KLK8: variants seen among roughly 807,000 people sequenced by gnomAD.
KLK8 encodes the protein kallikrein related peptidase 8.
KLK8 carries 18 observed loss-of-function variants against 26.7 expected under a neutral mutation model. That is an observed-to-expected ratio of 0.67 (90% CI 0.47 to 1.00). KLK8 has a LOEUF of 1.00. Among genes scored for constraint, KLK8 ranks in the 50% least tolerant of loss-of-function variants. The pLI is 0.00. For missense variants in KLK8, 301 were observed against 331.7 expected (o/e 0.91, Z 0.72); for synonymous variants, 137 against 127.1 (o/e 1.08, Z -0.52).
At chr19:50,996,411 T>C (rs1482714062) in intron 6 of KLK8, among the ~76,000 whole-genome samples, 197 bp from the exon 6 acceptor site, 1 of 152,104 alleles carries the variant, frequency 6.6e-6, no homozygotes, top group Non-Finnish European at 1.5e-5. Context: ...CTAAGGGTAG[T>C]GGTCAAAACA....
At chr19:51,001,074 G>A (rs770486656) in intron 3 of KLK8, 24 bp downstream of exon 2, 1 of 1,601,210 alleles carries the variant, frequency 6.2e-7, no homozygotes, top group East Asian at 2.2e-5. Flanking sequence ...CCTCCCCTCC[G>A]GAGGCCTCCG....
chr19:51,001,044 G>A, intron 3 of KLK8, 54 bp downstream of exon 2: 1 of 1,503,516 alleles, frequency 6.7e-7, no homozygotes, highest in African/African-American at 1.4e-5. Flanking sequence ...ACTCCCCAGC[G>A]CCACTGCTGC....
chr19:50,997,726 GAGA>G (rs1195003678), intron 6 of KLK8, 22 bp downstream of exon 5: 18 of 1,613,108 alleles, frequency 1.1e-5, no homozygotes, highest in Non-Finnish European at 1.4e-5. Context: ...GATGTGTGAG[GAGA>G]AGGATTTCAG....
intron 6 of KLK8, among the ~76,000 whole-genome samples, chr19:50,996,749 A>G (rs2091172215): frequency 6.7e-6 from 1 of 150,058 alleles, no homozygotes; most frequent in Non-Finnish European, 1.5e-5. Flanking sequence ...AAAAAAAAAG[A>G]GTTCTCGAGG....
chr19:50,999,982 G>A lies in KLK8; in HGVS notation c.493+14C>T. 4 of 1,578,664 alleles carry A rather than the reference G, an allele frequency of 2.5e-6. No individual in the cohort carries two copies. The highest frequency in any genetic ancestry group is 3.5e-6 in the Non-Finnish European group (4 of 1,154,266). ...GCTCCTCCTCTCCCTCCCATTAGTG[G>A]ACAAGCCCACTACCTCGGGGACTGG... On this transcript the variant is annotated intron_variant, in intron 5 of 6. Coordinates refer to ENST00000600767, the Ensembl canonical transcript of KLK8.
At chr19:51,000,606 G>A in intron 3 of KLK8, 23 bp from the exon 3 acceptor site, 1 of 1,613,242 alleles carries the variant, frequency 6.2e-7, no homozygotes, top group Non-Finnish European at 8.5e-7. Context: ...GGAGAGGGTT[G>A]GATCGCCACC....
chr19:51,000,577 G>A (rs776093061), exon 4 of KLK8: 1 of 1,613,894 alleles, frequency 6.2e-7, no homozygotes, highest in African/African-American at 1.3e-5. Context: ...CTGTGCCCTG[G>A]AGTGTCCTGC....
rs556238696 is a variant in KLK8, at chr19:51,000,697, A to G, written c.71-114T>C. On this transcript the variant is annotated intron_variant, in intron 3 of 6. Coordinates refer to ENST00000600767, the Ensembl canonical transcript of KLK8. ...CAAGTTCTCCGCATACAACTTAGTG[A>G]GGAGGTCCAGGCTTCCACACGCTGC... 2.4e-5 allele frequency: 37 copies of G among 1,550,396 alleles called. No individual in the cohort carries two copies. In the South Asian group the frequency reaches 4.3e-4, roughly 18 times the overall value.
chr19:51,001,519 C>T lies in KLK8; in HGVS notation c.-9+13G>A. 1 of 242,618 alleles carries T rather than the reference C, an allele frequency of 4.1e-6. No individual in the cohort carries two copies. The highest frequency in any genetic ancestry group is 7.9e-5 in the South Asian group (1 of 12,656). 15.0% of individuals were successfully genotyped at this position (242,618 alleles called of 1,614,324 possible). On this transcript the variant is annotated intron_variant, in intron 2 of 6. Coordinates refer to ENST00000600767, the Ensembl canonical transcript of KLK8. Reference sequence around the variant, plus strand: ...GGGCCTGATGTCTGTATCTGAGTACCTCTGCACCTCACCTTCCAGAATCCA... The same window carrying T: ...GGGCCTGATGTCTGTATCTGAGTACTTCTGCACCTCACCTTCCAGAATCCA...
exon 3 of KLK8, chr19:51,001,139 T>G (rs1262544286): frequency 6.2e-7 from 1 of 1,613,542 alleles, no homozygotes; most frequent in Non-Finnish European, 8.5e-7. Flanking sequence ...CATCCACGTC[T>G]TGGCCGCACG....
chr19:51,000,265 T>C lies in KLK8; in HGVS notation c.231-7A>G. ...CAGGCGTACTGTGTATTTCCTGTAA[T>C]GGTGGGGATAGTTTGGGACCCAGGC... On this transcript the variant is annotated splice_region_variant and splice_polypyrimidine_tract_variant and intron_variant, in intron 4 of 6. Coordinates refer to ENST00000600767, the Ensembl canonical transcript of KLK8. 1.9e-6 allele frequency: 3 copies of C among 1,572,436 alleles called. No homozygotes were observed. The highest frequency in any genetic ancestry group is 4.5e-5 in the East Asian group (2 of 44,200).
At chr19:51,001,114 C>A (rs763299132) in exon 3 of KLK8, 18 of 1,612,842 alleles carry the variant, frequency 1.1e-5, no homozygotes, top group Non-Finnish European at 1.5e-5. Context: ...AGGCTCCCCC[C>A]AGCAAGAGCA....
chr19:50,996,884 A>T (rs1178697685), intron 6 of KLK8, among the ~76,000 whole-genome samples: 1 of 143,968 alleles, frequency 6.9e-6, no homozygotes, highest in Non-Finnish European at 1.5e-5. Flanking sequence ...AAGGATCAAG[A>T]TTCTTATGGA....
chr19:50,997,318 C>A (rs1050966486), intron 6 of KLK8, among the ~76,000 whole-genome samples: 1 of 152,130 alleles, frequency 6.6e-6, no homozygotes, highest in African/African-American at 2.4e-5. Context: ...GGGAACCAGC[C>A]TTGGGATTCT....
intron 5 of KLK8, among the ~76,000 whole-genome samples, chr19:50,998,567 C>A (rs1376322813): frequency 6.6e-6 from 1 of 152,124 alleles, no homozygotes. Context: ...TTTTTATTAA[C>A]CTCTTTTGAG....
exon 3 of KLK8, chr19:51,001,109 C>G: frequency 6.2e-7 from 1 of 1,611,890 alleles, no homozygotes; most frequent in East Asian, 2.2e-5. Context: ...TGCCCAGGCT[C>G]CCCCCAGCAA....
chr19:50,997,679 C>T (rs2091182994), intron 6 of KLK8, 72 bp downstream of exon 5: 2 of 1,571,032 alleles, frequency 1.3e-6, no homozygotes, highest in Non-Finnish European at 1.7e-6. Flanking sequence ...CCACCCCCAC[C>T]CCCATCCAAG....
At chr19:50,999,583 CAAAAA>C (rs56988162) in intron 5 of KLK8, among the ~76,000 whole-genome samples, 2 of 30,288 alleles carry the variant, frequency 6.6e-5, no homozygotes, top group East Asian at 3.0e-3. Flanking sequence ...TGTCCCCCTG[CAAAAA>C]AAAAAAAAAA....
At chr19:50,996,893 GACACACACACACACACACACAC>G (rs368604260) in intron 6 of KLK8, among the ~76,000 whole-genome samples, 1 of 81,302 alleles carries the variant, frequency 1.2e-5, no homozygotes, top group South Asian at 3.3e-4. Context: ...GATTCTTATG[GACACACACACACACACACACAC>G]ACACACACAC....
Sources: allele counts gnomAD v4.1 joint callset (sites outside exome capture counted in the v4.1 genomes callset), GRCh38; gene constraint gnomAD v4.1.1; transcripts MANE v1.5; gene names NCBI Gene and HGNC (gene_info 2026-07-23, HGNC 2026-07-21).